GBE1: variants seen among roughly 807,000 people sequenced by gnomAD.
GBE1 encodes the protein 1,4-alpha-glucan-branching enzyme.
A neutral mutation model predicts 88.8 loss-of-function variants in GBE1; 70 were observed. The ratio of observed to expected loss-of-function variants is 0.79; its 90% CI spans 0.65 to 0.96. GBE1 has a LOEUF of 0.96. Ranked by LOEUF, GBE1 falls within the 40% of genes least tolerant of loss-of-function variation. The pLI is 0.00. For missense variants in GBE1, 872 were observed against 871.0 expected, an observed-to-expected ratio of 1.00 and a Z score of -0.01; for synonymous variants, 284 against 300.1, an observed-to-expected ratio of 0.95 and a Z score of 0.56.
intron 15 of GBE1, among the ~76,000 whole-genome samples, chr3:81,494,256 G>C (rs1357579165): frequency 6.6e-6 from 1 of 151,962 alleles, no homozygotes; most frequent in Non-Finnish European, 1.5e-5. Flanking sequence ...AATTTTCTTA[G>C]TGGTTAGAAA....
At chr3:81,628,686 C>T (rs1362252388) in intron 7 of GBE1, among the ~76,000 whole-genome samples, 4 of 142,742 alleles carry the variant, frequency 2.8e-5, no homozygotes, top group East Asian at 2.1e-4. Flanking sequence ...ATATATTCTA[C>T]CCATCATTTA....
At chr3:81,581,057 A>T in intron 11 of GBE1, 108 bp downstream of exon 11, 1 of 664,936 alleles carries the variant, frequency 1.5e-6, no homozygotes. Context: ...TATAGTAACT[A>T]CAGAGGTTTA....
intron 12 of GBE1, among the ~76,000 whole-genome samples, chr3:81,539,211 G>A (rs35942842): frequency 0.22 from 33,439 of 151,880 alleles, 3,973 homozygotes; most frequent in East Asian, 0.41. Flanking sequence ...TACTACCATA[G>A]CATGTTGTGC....
chr3:81,574,568 T>C (rs976361853), intron 12 of GBE1, among the ~76,000 whole-genome samples: 2 of 152,172 alleles, frequency 1.3e-5, no homozygotes, highest in African/African-American at 4.8e-5. Flanking sequence ...AACCATGTAT[T>C]TGTGGCTAAC....
intron 7 of GBE1, among the ~76,000 whole-genome samples, chr3:81,596,022 A>G (rs1703951903): frequency 6.6e-6 from 1 of 151,968 alleles, no homozygotes; most frequent in African/African-American, 2.4e-5. Context: ...TTTAAAAACT[A>G]CTACAAGATT....
intron 3 of GBE1, among the ~76,000 whole-genome samples, chr3:81,656,632 T>C (rs1431443868): frequency 2.0e-5 from 3 of 152,176 alleles, no homozygotes; most frequent in African/African-American, 4.8e-5. Flanking sequence ...ATAAACTTAG[T>C]TGAAATTTGT....
intron 13 of GBE1, among the ~76,000 whole-genome samples, chr3:81,535,804 T>C (rs1688930655): frequency 6.6e-6 from 1 of 152,060 alleles, no homozygotes; most frequent in African/African-American, 2.4e-5. Flanking sequence ...TTACCCAACT[T>C]TGTCAGATTC....
chr3:81,677,285 C>T (rs1260370810), intron 2 of GBE1, among the ~76,000 whole-genome samples: 1 of 152,152 alleles, frequency 6.6e-6, no homozygotes, highest in Non-Finnish European at 1.5e-5. Context: ...GGCAAGATGT[C>T]TGGCAAATGC....
At chr3:81,698,201 T>C (rs1576203781) in intron 2 of GBE1, among the ~76,000 whole-genome samples, 1 of 151,796 alleles carries the variant, frequency 6.6e-6, no homozygotes, top group East Asian at 1.9e-4. Context: ...CCAGCACAAT[T>C]GGGGCCAAAA....
At chr3:81,607,907 T>C (rs78011672) in intron 7 of GBE1, among the ~76,000 whole-genome samples, 5,410 of 152,292 alleles carry the variant, frequency 0.036, 349 homozygotes, top group East Asian at 0.31. Flanking sequence ...TATTATTTTC[T>C]AAATTTTATC....
chr3:81,643,744 C>A (rs1033995281), intron 6 of GBE1, among the ~76,000 whole-genome samples: 1 of 152,146 alleles, frequency 6.6e-6, no homozygotes, highest in South Asian at 2.1e-4. Context: ...TACTATCAGG[C>A]TCCTCATGAT....
At chr3:81,566,199 G>A (rs1464170076) in intron 12 of GBE1, among the ~76,000 whole-genome samples, 5 of 152,042 alleles carry the variant, frequency 3.3e-5, no homozygotes, top group Admixed American at 1.3e-4. Flanking sequence ...TATCTTTTAC[G>A]ACCTCTTAAA....
intron 7 of GBE1, chr3:81,613,018 G>C (rs1362419351): frequency 1.7e-6 from 1 of 597,534 alleles, no homozygotes; most frequent in Non-Finnish European, 2.6e-6. Flanking sequence ...AAGGATGAAG[G>C]TGAAGAAGAT....
chr3:81,655,539 G>C (rs1055347068), intron 3 of GBE1, among the ~76,000 whole-genome samples: 1 of 149,114 alleles, frequency 6.7e-6, no homozygotes, highest in Non-Finnish European at 1.5e-5. Context: ...TTGTTGTTAT[G>C]GAGTTTTACT....
Position 81,696,132 on chromosome 3 carries a change from C to T in GBE1, c.313+9312G>A, listed in dbSNP as rs185984236. 2.0e-5 allele frequency among the ~76,000 whole-genome samples: 3 copies of T among 151,892 alleles called. No individual in the cohort carries two copies. In the East Asian group the frequency reaches 5.8e-4, roughly 29 times the overall value. ...GGTTGAAAATATAAAGAATACAAGA[C>T]AGTAATAGGGAAAAGAGGAAAATAA... On this transcript the variant is annotated intron_variant, in intron 2 of 15. Transcript: ENST00000429644.
intron 12 of GBE1, among the ~76,000 whole-genome samples, chr3:81,551,610 C>T (rs1297100656): frequency 6.6e-6 from 1 of 152,188 alleles, no homozygotes; most frequent in Non-Finnish European, 1.5e-5. Context: ...TTCCAGTTGT[C>T]CCACCTGTCC....
intron 15 of GBE1, among the ~76,000 whole-genome samples, chr3:81,492,910 G>A (rs1291959775): frequency 6.6e-6 from 1 of 151,900 alleles, no homozygotes; most frequent in Non-Finnish European, 1.5e-5. Flanking sequence ...GCTAAATTTT[G>A]TATTTTTAGT....
At position 81,560,122 on chromosome 3, in the gene GBE1, T is replaced by C. The variant is rs539470421; in HGVS notation, c.1618+17803A>G. Reference sequence around the variant, plus strand: ...ACCAGGCTTATGAATGTTTATTTGTTCAACACATAATAATTAAGTTCTCAT... The same window carrying C: ...ACCAGGCTTATGAATGTTTATTTGTCCAACACATAATAATTAAGTTCTCAT... On this transcript the variant is annotated intron_variant, in intron 12 of 15. Transcript: ENST00000429644. Among the ~76,000 whole-genome samples, 4 of 152,110 alleles carry C rather than the reference T, an allele frequency of 2.6e-5. 1 individual carries two copies. In the South Asian group the frequency reaches 8.3e-4, roughly 32 times the overall value.
chr3:81,695,929 T>G (rs1235716285), intron 2 of GBE1, among the ~76,000 whole-genome samples: 3 of 152,138 alleles, frequency 2.0e-5, no homozygotes, highest in Non-Finnish European at 4.4e-5. Context: ...CAGGAGTCCC[T>G]AATGAGAGGG....
Sources: allele counts gnomAD v4.1 joint callset (sites outside exome capture counted in the v4.1 genomes callset), GRCh38; gene constraint gnomAD v4.1.1; transcripts MANE v1.5; gene names NCBI Gene and HGNC (gene_info 2026-07-23, HGNC 2026-07-21).